PPFIBP2: variants seen among roughly 807,000 people sequenced by gnomAD.
PPFIBP2 encodes the protein liprin-beta-2.
Under a neutral mutation model 118.3 loss-of-function variants are expected in PPFIBP2, and 118 were observed. The observed-to-expected ratio is 1.00, with a 90% CI of 0.86 to 1.16. The LOEUF is 1.16. Among genes scored for constraint, PPFIBP2 ranks in the 50% most tolerant of loss-of-function variants. The probability of loss-of-function intolerance (pLI) is 0.00; values close to 1 mark genes in which losing one functional copy is unlikely to be tolerated. For synonymous variants in PPFIBP2, 414 were observed against 397.4 expected (o/e 1.04, Z -0.50); for missense variants, 1,195 against 1,073.1 (o/e 1.11, Z -1.59).
intron 1 of PPFIBP2, among the ~76,000 whole-genome samples, chr11:7,514,402 AG>A: frequency 6.6e-6 from 1 of 152,312 alleles, no homozygotes; most frequent in African/African-American, 2.4e-5. Context: ...GCACTCCTGC[AG>A]GTGCCAGCGT....
chr11:7,649,848 A>G (rs949569493), intron 21 of PPFIBP2, among the ~76,000 whole-genome samples, 194 bp downstream of exon 21: 1 of 152,160 alleles, frequency 6.6e-6, no homozygotes, highest in African/African-American at 2.4e-5. Flanking sequence ...GTAGCCATAG[A>G]CCTCTAAGCT....
chr11:7,517,901 C>T (rs1383625246), intron 1 of PPFIBP2, among the ~76,000 whole-genome samples: 1 of 152,200 alleles, frequency 6.6e-6, no homozygotes, highest in Non-Finnish European at 1.5e-5. Context: ...CCTGCAGGGG[C>T]CGCTCATAGT....
intron 1 of PPFIBP2, among the ~76,000 whole-genome samples, chr11:7,545,229 G>A (rs910909131): frequency 1.3e-5 from 2 of 152,008 alleles, no homozygotes; most frequent in Non-Finnish European, 2.9e-5. Context: ...AGGAGTTCAA[G>A]ACCAGCCTGG....
intron 1 of PPFIBP2, among the ~76,000 whole-genome samples, chr11:7,541,177 A>C (rs1468457020): frequency 6.6e-6 from 1 of 152,250 alleles, no homozygotes; most frequent in Non-Finnish European, 1.5e-5. Context: ...TAGATCAGCC[A>C]TAAAGGTCAG....
At chr11:7,597,396 C>T in intron 4 of PPFIBP2, 164 bp from the exon 5 acceptor site, 2 of 1,538,126 alleles carry the variant, frequency 1.3e-6, no homozygotes, top group Non-Finnish European at 1.7e-6. Context: ...CTGCAGCTGC[C>T]TTCGTTCAGG....
chr11:7,584,394 G>A (rs1466649353), intron 3 of PPFIBP2, among the ~76,000 whole-genome samples: 1 of 152,196 alleles, frequency 6.6e-6, no homozygotes, highest in Non-Finnish European at 1.5e-5. Flanking sequence ...GAGGGAATAA[G>A]GGTCAAGGTC....
chr11:7,646,805 G>C (rs557158489), intron 17 of PPFIBP2, among the ~76,000 whole-genome samples: 1 of 151,940 alleles, frequency 6.6e-6, no homozygotes, highest in East Asian at 1.9e-4. Context: ...TCTCAAAAAA[G>C]AATCAAACTA....
chr11:7,532,320 CA>C (rs1659599270), intron 1 of PPFIBP2, among the ~76,000 whole-genome samples: 1 of 152,200 alleles, frequency 6.6e-6, no homozygotes, highest in Non-Finnish European at 1.5e-5. Context: ...AATATAGTCA[CA>C]TTCTGAGGTA....
chr11:7,649,054 G>A (rs976315037), intron 19 of PPFIBP2, 93 bp from the exon 20 acceptor site: 27 of 1,409,050 alleles, frequency 1.9e-5, no homozygotes, highest in South Asian at 7.4e-5. Flanking sequence ...GGAATAAAAC[G>A]AACCTCAAAA....
intron 1 of PPFIBP2, among the ~76,000 whole-genome samples, chr11:7,532,393 G>C (rs1220682785): frequency 6.6e-6 from 1 of 152,192 alleles, no homozygotes; most frequent in Non-Finnish European, 1.5e-5. Context: ...GCTCATAACA[G>C]GGTGTTTCCA....
chr11:7,531,934 C>T (rs1168014558), intron 1 of PPFIBP2, among the ~76,000 whole-genome samples: 1 of 152,060 alleles, frequency 6.6e-6, no homozygotes, highest in African/African-American at 2.4e-5. Context: ...CTCCTGGGTT[C>T]AAGTGAATCT....
chr11:7,549,608 ACT>A, intron 2 of PPFIBP2, 69 bp downstream of exon 2: 5 of 1,047,370 alleles, frequency 4.8e-6, no homozygotes, highest in East Asian at 6.5e-5. Context: ...CTCTCCTTTT[ACT>A]TTTTTTTTTT....
At chr11:7,562,952 T>C (rs1376869563) in intron 2 of PPFIBP2, among the ~76,000 whole-genome samples, 3 of 33,130 alleles carry the variant, frequency 9.1e-5, no homozygotes, top group Non-Finnish European at 1.9e-4. Context: ...TATATATATA[T>C]ATATATATAT....
intron 3 of PPFIBP2, among the ~76,000 whole-genome samples, chr11:7,576,026 C>T (rs1244327073): frequency 2.0e-5 from 3 of 152,376 alleles, no homozygotes; most frequent in Middle Eastern, 6.8e-3. Context: ...GCTGGCCCAG[C>T]CTGCCGGGGA....
chr11:7,619,992 A>G (rs1010320180), intron 6 of PPFIBP2, among the ~76,000 whole-genome samples: 4 of 152,204 alleles, frequency 2.6e-5, no homozygotes, highest in Non-Finnish European at 5.9e-5. Flanking sequence ...AGCAGGACCA[A>G]TTGTCTGTTA....
At chr11:7,526,435 A>G (rs1850236050) in intron 1 of PPFIBP2, among the ~76,000 whole-genome samples, 1 of 152,222 alleles carries the variant, frequency 6.6e-6, no homozygotes, top group African/African-American at 2.4e-5. Flanking sequence ...CTCTAAGGGA[A>G]AAGGAACTTG....
intron 5 of PPFIBP2, among the ~76,000 whole-genome samples, chr11:7,603,833 C>G (rs141414423): frequency 1.3e-5 from 2 of 152,084 alleles, no homozygotes; most frequent in Admixed American, 1.3e-4. Context: ...CATGGTCCAT[C>G]ACAGTAAGTA....
intron 19 of PPFIBP2, 59 bp from the exon 20 acceptor site, chr11:7,649,088 G>C: frequency 6.6e-7 from 1 of 1,509,784 alleles, no homozygotes. Flanking sequence ...CCTTTTTTTG[G>C]TGTCTACATT....
At chr11:7,652,590 A>C (rs933120131) in intron 23 of PPFIBP2, among the ~76,000 whole-genome samples, 14 of 152,222 alleles carry the variant, frequency 9.2e-5, no homozygotes, top group Non-Finnish European at 7.3e-5. Flanking sequence ...ACGCTAGGGC[A>C]GGGAGCAACC....
Sources: allele counts gnomAD v4.1 joint callset (sites outside exome capture counted in the v4.1 genomes callset), GRCh38; gene constraint gnomAD v4.1.1; transcripts MANE v1.5; gene names NCBI Gene and HGNC (gene_info 2026-07-23, HGNC 2026-07-21).